The following VIPAS39 variants were observed in gnomAD, a reference collection of about 807,000 sequenced individuals.
VIPAS39 encodes the protein VPS33B interacting protein, apical-basolateral polarity regulator, spe-39 homolog, also known as spermatogenesis-defective protein 39 homolog.
In VIPAS39, 63 loss-of-function variants were observed where a neutral mutation model predicts 84.7. The ratio of observed to expected loss-of-function variants is 0.74; its 90% CI spans 0.61 to 0.92. VIPAS39 has a LOEUF of 0.92. VIPAS39 is among the 40% of genes least tolerant of loss of function. The pLI is 0.00. For missense variants in VIPAS39, 499 were observed against 604.5 expected (o/e 0.83, Z 1.83); for synonymous variants, 192 against 216.5 (o/e 0.89, Z 0.99).
intron 3 of VIPAS39, among the ~76,000 whole-genome samples, chr14:77,452,210 A>G (rs368488845): frequency 6.6e-6 from 1 of 152,220 alleles, no homozygotes; most frequent in Non-Finnish European, 1.5e-5. Flanking sequence ...ACACATAAAA[A>G]GAGCAAGGTA....
chr14:77,457,139 T>C (rs2078972327), intron 1 of VIPAS39: 2 of 1,423,692 alleles, frequency 1.4e-6, no homozygotes, highest in African/African-American at 1.4e-5. Flanking sequence ...GCCAGGAAGA[T>C]ACAGGTGAGG....
chr14:77,456,116 C>T (rs914714858), intron 1 of VIPAS39, among the ~76,000 whole-genome samples: 12 of 152,150 alleles, frequency 7.9e-5, no homozygotes, highest in Non-Finnish European at 1.8e-4. Flanking sequence ...AATGTTATTT[C>T]CTTTTAATAT....
chr14:77,428,520 C>T (rs1440330995), intron 18 of VIPAS39, 46 bp from the exon 19 acceptor site: 3 of 1,581,490 alleles, frequency 1.9e-6, no homozygotes, highest in Admixed American at 1.7e-5. Context: ...AGCCTCTGTA[C>T]AGGGTTCTTT....
At chr14:77,453,490 C>CT (rs1409219010) in intron 2 of VIPAS39, 89 bp from the exon 3 acceptor site, 8 of 1,268,164 alleles carry the variant, frequency 6.3e-6, no homozygotes, top group African/African-American at 1.5e-5. Context: ...GAATTGGGGC[C>CT]TGAAGGTGGC....
chr14:77,429,226 C>G lies in VIPAS39; in HGVS notation c.1267-131G>C, dbSNP rs576289339. On this transcript the variant is annotated intron_variant, in intron 17 of 19. Transcript: ENST00000557658. ...AATGTTTCCAGTTTCCATCATCAAC[C>G]ACAGGACTAGTTCTGCAATGGGAAT... is the stretch of plus-strand genomic sequence containing the variant. 1.4e-5 allele frequency: 11 copies of G among 766,472 alleles called. No homozygotes were observed. In the African/African-American group the frequency reaches 1.9e-4, roughly 13 times the overall value. 47.5% of individuals were successfully genotyped at this position (766,472 alleles called of 1,614,324 possible). A position where few individuals can be genotyped will look rare whatever the true frequency, so the allele number is the denominator to read the frequency against.
intron 7 of VIPAS39, 66 bp downstream of exon 7, chr14:77,448,428 A>C (rs2078830602): frequency 1.4e-6 from 2 of 1,469,028 alleles, no homozygotes; most frequent in Non-Finnish European, 1.9e-6. Flanking sequence ...GAGGTCAAGA[A>C]ATCTTCCCTG....
intron 14 of VIPAS39, 169 bp downstream of exon 14, chr14:77,435,090 C>T: frequency 1.0e-6 from 1 of 998,484 alleles, no homozygotes; most frequent in Admixed American, 2.0e-5. Context: ...CTTTTCCCTC[C>T]TGGCCAGATG....
chr14:77,451,120 A>C lies in VIPAS39; in HGVS notation c.343+67T>G, dbSNP rs1000740011. ...TCTTTTTCTTACAAAGTAAATGAAAATTATGGCCTAAGATTTTTCTGGAAA... is the reference window on the plus strand; with the variant it reads ...TCTTTTTCTTACAAAGTAAATGAAACTTATGGCCTAAGATTTTTCTGGAAA... On this transcript the variant is annotated intron_variant, in intron 4 of 19. Coordinates refer to ENST00000557658, the MANE Select transcript of VIPAS39 (RefSeq NM_001193315.2). The C allele has an allele frequency of 2.5e-6, 4 of 1,608,048 alleles. No homozygotes were observed. The Admixed American group carries it at 6.7e-5, about 27-fold the overall frequency.
At chr14:77,457,072 A>G in intron 1 of VIPAS39, 1 of 1,390,728 alleles carries the variant, frequency 7.2e-7, no homozygotes, top group Middle Eastern at 2.7e-4. Context: ...TCCCTGCCTC[A>G]GAAAACTCCA....
At chr14:77,440,959 C>T (rs1365354286) in intron 11 of VIPAS39, 107 bp downstream of exon 11, 2 of 1,361,732 alleles carry the variant, frequency 1.5e-6, no homozygotes, top group African/African-American at 1.4e-5. Flanking sequence ...CTCAGGTGAT[C>T]CACCCACCTC....
Position 77,457,415 on chromosome 14 carries a change from T to G in VIPAS39, c.-1+80A>C, listed in dbSNP as rs1192597496. Reference sequence around the variant, plus strand: ...AGTCATAGGGTGTAGGGATGCCTCCTAGAAGAGGGGAAAAGATCAAGATGC... The same window carrying G: ...AGTCATAGGGTGTAGGGATGCCTCCGAGAAGAGGGGAAAAGATCAAGATGC... On this transcript the variant is annotated intron_variant, in intron 1 of 19. Coordinates refer to ENST00000557658, the MANE Select transcript of VIPAS39 (RefSeq NM_001193315.2). 5 of 1,534,478 alleles carry G rather than the reference T, an allele frequency of 3.3e-6. 1 individual carries two copies. The African/African-American group carries it at 4.1e-5, about 13-fold the overall frequency.
At chr14:77,429,541 G>A (rs2078486682) in intron 17 of VIPAS39, 140 bp downstream of exon 17, 1 of 885,712 alleles carries the variant, frequency 1.1e-6, no homozygotes, top group South Asian at 1.3e-5. Flanking sequence ...GGCCTTTTCT[G>A]TCTTGAGGCC....
Position 77,453,345 on chromosome 14 carries a change from G to T in VIPAS39, c.150C>A (p.Asp50Glu), listed in dbSNP as rs566440125. Residue 50 changes from aspartate (D) to glutamate (E), a missense_variant, in exon 3 of 20, where the codon GAC (aspartate) becomes GAA (glutamate). Transcript: ENST00000557658. ...NSLRDFVDDD[D>E]DDDLERVSWS... ...AGCTGACTCGCTCCAGGTCATCATC[G>T]TCATCATCATCCACGAAGTCTCGGA... The T allele has an allele frequency of 1.9e-6, 3 of 1,613,850 alleles. No individual in the cohort carries two copies. The South Asian group carries it at 3.3e-5, about 18-fold the overall frequency.
chr14:77,440,918 A>G lies in VIPAS39; in HGVS notation c.762+148T>C, dbSNP rs1594906883. ...TTTTTAGTAGAGACAGGGTTTCACCATGTTGGCCAGGCTGGTCTTGAACTC... is the reference window on the plus strand; with the variant it reads ...TTTTTAGTAGAGACAGGGTTTCACCGTGTTGGCCAGGCTGGTCTTGAACTC... On this transcript the variant is annotated intron_variant, in intron 11 of 19. Coordinates refer to ENST00000557658, the MANE Select transcript of VIPAS39 (RefSeq NM_001193315.2). The G allele has an allele frequency of 3.5e-6, 3 of 855,326 alleles. No individual in the cohort carries two copies. The South Asian group carries it at 4.0e-5, about 11-fold the overall frequency. 53.0% of individuals were successfully genotyped at this position (855,326 alleles called of 1,614,324 possible). A position where few individuals can be genotyped will look rare whatever the true frequency, so the allele number is the denominator to read the frequency against.
chr14:77,449,332 G>C lies in VIPAS39; in HGVS notation c.408C>G (p.Ser136Arg). ...TGGGTCTCCCCAGCTCTGGAGCATA[G>C]CTTTTGGCAGGTGTGTCTGACAGAG... ...SDALSDTPAK[S>R]YAPELGRPKG... is the part of the protein sequence containing the mutation. Residue 136 changes from serine to arginine, a missense_variant, in exon 6 of 20, where the codon AGC (serine) becomes AGG (arginine). Physicochemically the swap from Ser to Arg is moderately radical, Grantham distance 110 (BLOSUM62 -1). Coordinates refer to ENST00000557658, the MANE Select transcript of VIPAS39 (RefSeq NM_001193315.2). 6.2e-7 allele frequency: 1 copy of C among 1,614,204 alleles called. No homozygotes were observed.
At position 77,429,777 on chromosome 14, in the gene VIPAS39, G is replaced by C; in HGVS notation, c.1180-10C>G. 6.2e-7 allele frequency: 1 copy of C among 1,613,850 alleles called. No individual in the cohort carries two copies. On this transcript the variant is annotated splice_polypyrimidine_tract_variant and intron_variant, in intron 16 of 19. Transcript: ENST00000557658. ...TATAGCCCAGCCAGTTCTGAAAGAG[G>C]AAGATGGGGTAGCGGCAGGTAGGCC...
intron 12 of VIPAS39, among the ~76,000 whole-genome samples, chr14:77,437,507 A>G (rs1247331647): frequency 6.6e-6 from 1 of 152,234 alleles, no homozygotes. Context: ...CCAAAGAAGA[A>G]GAGAAGAGTG....
intron 1 of VIPAS39, among the ~76,000 whole-genome samples, chr14:77,456,429 CAT>C (rs539258990): frequency 1.2e-3 from 178 of 152,306 alleles, no homozygotes; most frequent in Admixed American, 2.9e-3. Flanking sequence ...CTCTGGCACA[CAT>C]GTCAGTTCAT....
At chr14:77,428,102 C>T (rs1250234798) in intron 19 of VIPAS39, among the ~76,000 whole-genome samples, 2 of 152,190 alleles carry the variant, frequency 1.3e-5, no homozygotes, top group African/African-American at 2.4e-5. Flanking sequence ...TATTTAGTTT[C>T]TCCTACATGC....
Sources: allele counts gnomAD v4.1 joint callset (sites outside exome capture counted in the v4.1 genomes callset), GRCh38; gene constraint gnomAD v4.1.1; transcripts MANE v1.5; gene names NCBI Gene and HGNC (gene_info 2026-07-23, HGNC 2026-07-21).